Variants in DPP10 observed in about 807,000 individuals in gnomAD.
The protein encoded by DPP10 is inactive dipeptidyl peptidase 10.
In DPP10, 33 loss-of-function variants were observed where a neutral mutation model predicts 120.9. The observed-to-expected ratio is 0.27, with a 90% CI of 0.21 to 0.37. DPP10 has a LOEUF of 0.37. Among genes scored for constraint, DPP10 ranks in the 10% least tolerant of loss-of-function variants. The probability of loss-of-function intolerance (pLI) is 1.00; values close to 1 mark genes in which losing one functional copy is unlikely to be tolerated. For missense variants in DPP10, 816 were observed against 942.8 expected (o/e 0.87, Z 1.76); for synonymous variants, 337 against 326.1 (o/e 1.03, Z -0.36).
chr2:114,851,710 G>A (rs1325506409), intron 1 of DPP10, among the ~76,000 whole-genome samples: 2 of 152,076 alleles, frequency 1.3e-5, no homozygotes, highest in Non-Finnish European at 2.9e-5. Context: ...CAACATTAAT[G>A]ATCCTTACAT....
rs578058930 is a variant in DPP10 at position 114,914,023 on chromosome 2, TA to T, written c.61-395209del. ...CAAATCAACTCAAACACAAACAAATTAAAAAAATAATTTTAAAAAATGAACA... is the reference window on the plus strand; with the variant it reads ...CAAATCAACTCAAACACAAACAAATTAAAAAATAATTTTAAAAAATGAACA... On this transcript the variant is annotated intron_variant, in intron 1 of 25. Coordinates refer to ENST00000410059, the MANE Select transcript of DPP10 (RefSeq NM_020868.6). Among the ~76,000 whole-genome samples, 1,342 of 152,072 alleles carry T rather than the reference TA, an allele frequency of 8.8e-3. 20 individuals are homozygous for T. The highest frequency in any genetic ancestry group is 0.031 in the African/African-American group (1,290 of 41,500).
intron 7 of DPP10, among the ~76,000 whole-genome samples, chr2:115,701,836 G>A (rs1415307272): frequency 6.6e-6 from 1 of 151,836 alleles, no homozygotes; most frequent in Non-Finnish European, 1.5e-5. Context: ...TATGTAAATG[G>A]CCAATAAGTT....
chr2:114,959,813 T>C (rs908719207), intron 1 of DPP10, among the ~76,000 whole-genome samples: 2 of 152,238 alleles, frequency 1.3e-5, no homozygotes, highest in African/African-American at 4.8e-5. Context: ...AGTTTTCTAA[T>C]TACTAGTAAT....
At chr2:115,162,324 G>A in intron 1 of DPP10, 1 of 1,467,932 alleles carries the variant, frequency 6.8e-7, no homozygotes, top group Admixed American at 2.6e-5. Context: ...CACCGAGGGA[G>A]GGAGAGGCGG....
At chr2:115,325,163 A>G (rs1356959058) in intron 2 of DPP10, among the ~76,000 whole-genome samples, 4 of 152,160 alleles carry the variant, frequency 2.6e-5, no homozygotes, top group African/African-American at 9.7e-5. Flanking sequence ...AAATGGTGTC[A>G]ATAGGCTTGC....
chr2:114,603,136 A>G (rs778897349), intron 1 of DPP10, among the ~76,000 whole-genome samples: 5 of 152,174 alleles, frequency 3.3e-5, no homozygotes, highest in East Asian at 1.9e-4. Context: ...AAGTATAATC[A>G]TAGTCATTGT....
chr2:115,560,550 A>C (rs2080576954), intron 5 of DPP10, among the ~76,000 whole-genome samples: 1 of 147,880 alleles, frequency 6.8e-6, no homozygotes, highest in Admixed American at 6.8e-5. Context: ...AAAAGCTCAC[A>C]GTGATCTATT....
chr2:114,564,147 A>C (rs948762808), intron 1 of DPP10, among the ~76,000 whole-genome samples: 4 of 152,114 alleles, frequency 2.6e-5, no homozygotes, highest in African/African-American at 9.7e-5. Flanking sequence ...TGATATTCTA[A>C]TGGTATTCAA....
intron 5 of DPP10, among the ~76,000 whole-genome samples, chr2:115,672,077 G>T (rs1001707553): frequency 7.2e-5 from 11 of 152,164 alleles, no homozygotes; most frequent in African/African-American, 2.4e-4. Context: ...ACAGTTTTCA[G>T]TAGTAGAAAT....
In DPP10 at chr2:115,600,250, A is replaced by AT. The variant is rs554416780; in HGVS notation, c.441+74282dup. Among the ~76,000 whole-genome samples, 6 of 151,956 alleles carry AT rather than the reference A, an allele frequency of 3.9e-5. No homozygotes were observed. In the South Asian group the frequency reaches 1.0e-3, roughly 26 times the overall value. ...AAGCCCTCAGCTAGTTGTGTTTTTG[A>AT]TTTTATCCAGCATTTAGTTATTTGT... On this transcript the variant is annotated intron_variant, in intron 5 of 25. Transcript: ENST00000410059.
chr2:115,739,595 T>C, intron 8 of DPP10, 144 bp from the exon 9 acceptor site: 1 of 846,932 alleles, frequency 1.2e-6, no homozygotes, highest in South Asian at 1.9e-5. Context: ...GACTCAGAAT[T>C]AGAGAATTTT....
chr2:114,665,308 A>G (rs888512486), intron 1 of DPP10, among the ~76,000 whole-genome samples: 1 of 152,212 alleles, frequency 6.6e-6, no homozygotes, highest in Non-Finnish European at 1.5e-5. Context: ...AGCCTGGCCT[A>G]TGCAGCTTTT....
chr2:115,192,825 G>A (rs1458802445), intron 1 of DPP10, among the ~76,000 whole-genome samples: 14 of 151,668 alleles, frequency 9.2e-5, no homozygotes, highest in Admixed American at 9.2e-4. Context: ...GAGCAGGTTA[G>A]TGCTTTAAGA....
intron 3 of DPP10, among the ~76,000 whole-genome samples, chr2:115,352,645 T>A (rs2064111391): frequency 6.6e-6 from 1 of 152,142 alleles, no homozygotes; most frequent in Non-Finnish European, 1.5e-5. Flanking sequence ...ACACAGTCCC[T>A]TTGATCAACG....
intron 1 of DPP10, among the ~76,000 whole-genome samples, chr2:115,108,116 C>T (rs1239802709): frequency 1.3e-5 from 2 of 151,966 alleles, no homozygotes; most frequent in Admixed American, 1.3e-4. Context: ...ATATATGGAC[C>T]CTCCATAGAT....
intron 1 of DPP10, among the ~76,000 whole-genome samples, chr2:115,222,865 A>G (rs2105429701): frequency 6.6e-6 from 1 of 152,220 alleles, no homozygotes; most frequent in South Asian, 2.1e-4. Flanking sequence ...AATTCCACTG[A>G]CTTTTTTTTC....
At chr2:115,072,273 A>G (rs1158251875) in intron 1 of DPP10, among the ~76,000 whole-genome samples, 1 of 152,198 alleles carries the variant, frequency 6.6e-6, no homozygotes, top group African/African-American at 2.4e-5. Context: ...TAAAATAGCT[A>G]TAGGGAACAG....
chr2:114,685,356 C>T (rs1279085993), intron 1 of DPP10, among the ~76,000 whole-genome samples: 5 of 151,976 alleles, frequency 3.3e-5, no homozygotes, highest in Admixed American at 2.6e-4. Context: ...GGAATCACTG[C>T]CTGATCCCTG....
chr2:115,122,258 G>C (rs2049862975), intron 1 of DPP10, among the ~76,000 whole-genome samples: 1 of 151,994 alleles, frequency 6.6e-6, no homozygotes, highest in Admixed American at 6.6e-5. Context: ...AGAAGAGGAG[G>C]GCACCCTCCC....
Sources: gnomAD v4.1 joint callset for allele counts (sites outside exome capture counted in the v4.1 genomes callset) on GRCh38, gnomAD v4.1.1 for gene constraint, MANE v1.5 for transcripts, NCBI Gene and HGNC (gene_info 2026-07-23, HGNC 2026-07-21) for gene names.